The following VAV1 variants were observed in gnomAD, a reference collection of about 807,000 sequenced individuals.
The protein encoded by VAV1 is proto-oncogene vav.
A neutral mutation model predicts 128.1 loss-of-function variants in VAV1; 33 were observed. That is an observed-to-expected ratio of 0.26 (90% CI 0.20 to 0.34). The LOEUF (loss-of-function observed/expected upper bound fraction) is 0.34. Ranked by LOEUF, VAV1 falls within the 10% of genes least tolerant of loss-of-function variation. The pLI is 1.00. For synonymous variants in VAV1, 394 were observed against 409.8 expected, an observed-to-expected ratio of 0.96 and a Z score of 0.47; for missense variants, 715 against 1,093.7, an observed-to-expected ratio of 0.65 and a Z score of 4.88.
intron 19 of VAV1, among the ~76,000 whole-genome samples, chr19:6,834,862 C>T (rs1972181373): frequency 6.6e-6 from 1 of 150,900 alleles, no homozygotes; most frequent in Admixed American, 6.6e-5. Flanking sequence ...GATCCCAGCA[C>T]TTTGAGAGGC....
At position 6,827,972 on chromosome 19, in the gene VAV1, G is replaced by T. The variant is rs112069889; in HGVS notation, c.928-104G>T. The T allele has an allele frequency of 5.7e-5, 53 of 932,188 alleles. 1 individual carries two copies. The African/African-American group carries it at 7.1e-4, about 13-fold the overall frequency. The allele number at this position is 932,188 out of a possible 1,614,324, so 57.7% of individuals were successfully genotyped here. ...CTAGAAAAATTCCCACAGCTCTGGGGTGGAGAGCTGCTCACGTATTTATTC... is the reference window on the plus strand; with the variant it reads ...CTAGAAAAATTCCCACAGCTCTGGGTTGGAGAGCTGCTCACGTATTTATTC... On this transcript the variant is annotated intron_variant, in intron 9 of 26. Coordinates refer to ENST00000602142, the MANE Select transcript of VAV1 (RefSeq NM_005428.4).
At chr19:6,773,347 C>T (rs573060615) in intron 1 of VAV1, among the ~76,000 whole-genome samples, 3 of 152,122 alleles carry the variant, frequency 2.0e-5, no homozygotes, top group African/African-American at 4.8e-5. Context: ...CGGGGGAGCT[C>T]CCCAGAACCC....
intron 1 of VAV1, among the ~76,000 whole-genome samples, chr19:6,787,629 C>T (rs1970923255): frequency 6.7e-6 from 1 of 149,850 alleles, no homozygotes; most frequent in African/African-American, 2.5e-5. Flanking sequence ...CTAAGTTTTG[C>T]TCTGTCACAC....
rs568716736 is a variant in VAV1 at position 6,803,814 on chromosome 19, G to T, written c.205-16888G>T. 2.0e-5 allele frequency among the ~76,000 whole-genome samples: 3 copies of T among 152,132 alleles called. No individual in the cohort carries two copies. The East Asian group carries it at 5.8e-4, about 29-fold the overall frequency. On this transcript the variant is annotated intron_variant, in intron 1 of 26. Transcript: ENST00000602142. ...TCCTGACCTCAGGTGATCCAGCCAC[G>T]TCGGCCTCCCAAAGTGCTGAGATTA...
intron 1 of VAV1, among the ~76,000 whole-genome samples, chr19:6,795,637 C>G (rs1395753805): frequency 6.6e-6 from 1 of 152,072 alleles, no homozygotes; most frequent in Admixed American, 6.6e-5. Context: ...CTTAGCTCTA[C>G]TGGTCCTGCT....
intron 1 of VAV1, among the ~76,000 whole-genome samples, chr19:6,785,438 T>C (rs1457844926): frequency 6.6e-6 from 1 of 151,858 alleles, no homozygotes; most frequent in Non-Finnish European, 1.5e-5. Context: ...TTCAAGTGAT[T>C]CTCCTGCCTC....
At chr19:6,776,463 CCCAT>C (rs1198640841) in intron 1 of VAV1, among the ~76,000 whole-genome samples, 18 of 125,054 alleles carry the variant, frequency 1.4e-4, no homozygotes, top group South Asian at 3.0e-4. Flanking sequence ...CATCCACCCA[CCCAT>C]CCATCCATCC....
intron 20 of VAV1, 64 bp downstream of exon 20, chr19:6,836,632 G>A: frequency 6.3e-7 from 1 of 1,588,282 alleles, no homozygotes; most frequent in Non-Finnish European, 8.6e-7. Flanking sequence ...GATTCATGTG[G>A]TCTCAGGGAG....
At chr19:6,841,944 G>C (rs1398864418) in intron 21 of VAV1, among the ~76,000 whole-genome samples, 1 of 151,278 alleles carries the variant, frequency 6.6e-6, no homozygotes, top group African/African-American at 2.4e-5. Flanking sequence ...GAGCACTTTC[G>C]GCCGGGCGCG....
intron 25 of VAV1, 73 bp from the exon 26 acceptor site, chr19:6,853,874 A>G: frequency 6.4e-7 from 1 of 1,563,684 alleles, no homozygotes; most frequent in Non-Finnish European, 8.6e-7. Flanking sequence ...TACTGTCCTG[A>G]GAGCTTGTGC....
intron 14 of VAV1, among the ~76,000 whole-genome samples, chr19:6,830,630 AG>A (rs1879694827): frequency 6.7e-6 from 1 of 150,242 alleles, no homozygotes; most frequent in Admixed American, 6.6e-5. Context: ...AGTAGAGACG[AG>A]GTTTCACCAT....
chr19:6,848,419 CT>C (rs34702560), intron 23 of VAV1, among the ~76,000 whole-genome samples: 1 of 149,512 alleles, frequency 6.7e-6, no homozygotes, highest in Non-Finnish European at 1.5e-5. Flanking sequence ...CTTTTCTTTT[CT>C]TTTTTTTTCT....
intron 1 of VAV1, among the ~76,000 whole-genome samples, chr19:6,805,685 T>A (rs1165311601): frequency 6.6e-6 from 1 of 152,042 alleles, no homozygotes; most frequent in Non-Finnish European, 1.5e-5. Context: ...TATTGTTCAC[T>A]TTATTTCTAT....
chr19:6,853,600 A>G (rs1009862938), intron 25 of VAV1, among the ~76,000 whole-genome samples: 1 of 151,272 alleles, frequency 6.6e-6, no homozygotes, highest in Admixed American at 6.6e-5. Flanking sequence ...GCATGGTGGC[A>G]CAGGCCTGTA....
At position 6,833,250 on chromosome 19, in the gene VAV1, G is replaced by A; in HGVS notation, c.1575G>A (p.Glu525=). The change falls in exon 16 of 27, where the codon GAG becomes GAA. Residue 525 remains glutamate, a synonymous_variant. Transcript: ENST00000602142. ...GHDFQMFSFE[E]TTSCKACQML... is the part of the protein sequence containing the mutation. ...ACTTCCAGATGTTCTCCTTTGAGGA[G>A]ACCACATCCTGCAAGGCCTGTCAGA... The A allele has an allele frequency of 6.2e-7, 1 of 1,613,340 alleles. No individual in the cohort carries two copies. Among genetic ancestry groups the A allele is most frequent in the Non-Finnish European group, 8.5e-7 (1 of 1,179,850 alleles).
Position 6,820,679 on chromosome 19 carries a change from C to T in VAV1, c.205-23C>T, listed in dbSNP as rs1381836029. The T allele has an allele frequency of 5.0e-6, 8 of 1,610,282 alleles. No individual in the cohort carries two copies. Among genetic ancestry groups the T allele is most frequent in the Non-Finnish European group, 5.1e-6 (6 of 1,176,690 alleles). On this transcript the variant is annotated intron_variant, in intron 1 of 26. Transcript: ENST00000602142. The surrounding 1 kb of genome is among the most constrained non-coding windows in gnomAD (Gnocchi z 4.4). ...CCCTGCCCTTTCGTACTGCCCCACC[C>T]TCATTTCTCTGTCTCCTCACAGTTC...
intron 26 of VAV1, among the ~76,000 whole-genome samples, 159 bp downstream of exon 26, chr19:6,854,257 A>G (rs16993884): frequency 0.077 from 11,770 of 152,286 alleles, 1,242 homozygotes; most frequent in African/African-American, 0.25. Flanking sequence ...TTATGCATTT[A>G]TGCAACCTAC....
intron 1 of VAV1, among the ~76,000 whole-genome samples, chr19:6,785,804 G>C (rs1029749905): frequency 6.6e-6 from 1 of 151,170 alleles, no homozygotes; most frequent in Non-Finnish European, 1.5e-5. Context: ...GGATTATAGG[G>C]ACGCACCACC....
At chr19:6,784,263 T>C (rs1268474071) in intron 1 of VAV1, 8 of 631,252 alleles carry the variant, frequency 1.3e-5, no homozygotes, top group Admixed American at 2.2e-5. Flanking sequence ...TCTCTAAATA[T>C]ATCTATGCAG....
Sources: gnomAD v4.1 joint callset for allele counts (sites outside exome capture counted in the v4.1 genomes callset) on GRCh38, gnomAD v4.1.1 for gene constraint, Gnocchi (gnomAD v3.1) non-coding constraint, MANE v1.5 for transcripts, NCBI Gene and HGNC (gene_info 2026-07-23, HGNC 2026-07-21) for gene names.